The following DPYD variants were observed in gnomAD, a reference collection of about 807,000 sequenced individuals.
DPYD encodes dihydropyrimidine dehydrogenase.
A neutral mutation model predicts 116.2 loss-of-function variants in DPYD; 109 were observed. That is an observed-to-expected ratio of 0.94 (90% confidence interval 0.80 to 1.10). The LOEUF is 1.10. DPYD is among the 50% of genes least tolerant of loss of function. The probability of loss-of-function intolerance (pLI) is 0.00; values close to 1 mark genes in which losing one functional copy is unlikely to be tolerated. For missense variants in DPYD, 1,302 were observed against 1,254.5 expected, an observed-to-expected ratio of 1.04 and a Z score of -0.57; for synonymous variants, 440 against 432.0, an observed-to-expected ratio of 1.02 and a Z score of -0.23.
intron 16 of DPYD, among the ~76,000 whole-genome samples, chr1:97,358,508 C>T (rs963955153): frequency 1.3e-5 from 2 of 152,182 alleles, no homozygotes; most frequent in African/African-American, 2.4e-5. Context: ...CTCAAGTGGG[C>T]CCCTGATGCC....
intron 11 of DPYD, among the ~76,000 whole-genome samples, chr1:97,557,051 A>T (rs1286380665): frequency 6.6e-6 from 1 of 151,702 alleles, no homozygotes; most frequent in Non-Finnish European, 1.5e-5. Flanking sequence ...TGCCATTCTA[A>T]CTGGTGTGAG....
chr1:97,125,300 C>A (rs879878993), intron 20 of DPYD, among the ~76,000 whole-genome samples: 10 of 152,004 alleles, frequency 6.6e-5, no homozygotes, highest in Admixed American at 6.6e-4. Context: ...TTTCAAAAGA[C>A]TATCTTGATC....
chr1:97,312,071 T>A (rs1330638223), intron 16 of DPYD, among the ~76,000 whole-genome samples: 1 of 151,758 alleles, frequency 6.6e-6, no homozygotes, highest in Non-Finnish European at 1.5e-5. Context: ...AAAAAATATA[T>A]ATGTGTGTGT....
chr1:97,356,660 C>T (rs988620235), intron 16 of DPYD, among the ~76,000 whole-genome samples: 1 of 152,208 alleles, frequency 6.6e-6, no homozygotes, highest in African/African-American at 2.4e-5. Flanking sequence ...TAAGGTCTTA[C>T]ATTTACCTCT....
intron 10 of DPYD, among the ~76,000 whole-genome samples, chr1:97,589,292 C>T (rs548198110): frequency 1.3e-5 from 2 of 152,280 alleles, no homozygotes; most frequent in South Asian, 4.1e-4. Flanking sequence ...AGCTTTGTGC[C>T]CCCACTCAAT....
chr1:97,475,274 G>T (rs374136658), intron 13 of DPYD, among the ~76,000 whole-genome samples: 7 of 152,030 alleles, frequency 4.6e-5, no homozygotes, highest in African/African-American at 1.7e-4. Flanking sequence ...ATGATGATTT[G>T]CTATATACCA....
At chr1:97,901,026 A>G (rs184227039) in intron 1 of DPYD, among the ~76,000 whole-genome samples, 1 of 152,014 alleles carries the variant, frequency 6.6e-6, no homozygotes, top group African/African-American at 2.4e-5. Flanking sequence ...TTAAAAAATG[A>G]TATAAGAACA....
chr1:97,515,461 T>C (rs1473456043), intron 13 of DPYD, among the ~76,000 whole-genome samples: 1 of 151,962 alleles, frequency 6.6e-6, no homozygotes, highest in Non-Finnish European at 1.5e-5. Flanking sequence ...AATAAGAGTT[T>C]GAGATTATTA....
intron 12 of DPYD, among the ~76,000 whole-genome samples, chr1:97,527,236 G>C (rs935636485): frequency 6.6e-6 from 1 of 151,884 alleles, no homozygotes; most frequent in Admixed American, 6.6e-5. Flanking sequence ...CTGCCACCAC[G>C]CCCAGCTAAT....
chr1:97,138,627 G>A (rs1012755696), intron 20 of DPYD, among the ~76,000 whole-genome samples: 83 of 135,512 alleles, frequency 6.1e-4, no homozygotes, highest in African/African-American at 2.1e-3. Flanking sequence ...CATTTTTCTC[G>A]CAAAAAATGT....
chr1:97,097,321 T>C (rs1005214359), intron 21 of DPYD, among the ~76,000 whole-genome samples: 1 of 149,652 alleles, frequency 6.7e-6, no homozygotes, highest in East Asian at 1.9e-4. Flanking sequence ...TGAGATACAT[T>C]TTTTTTTTCT....
intron 20 of DPYD, among the ~76,000 whole-genome samples, chr1:97,103,856 A>C (rs1337438544): frequency 6.6e-6 from 1 of 152,106 alleles, no homozygotes. Context: ...CATGCCTGCC[A>C]ATTTATTCCC....
chr1:97,173,221 CGTACATATAT>C (rs141573668), intron 20 of DPYD, among the ~76,000 whole-genome samples: 22,692 of 123,146 alleles, frequency 0.18, 2,069 homozygotes, highest in Middle Eastern at 0.24. Flanking sequence ...TACACATATA[CGTACATATAT>C]GCGCACACAT....
chr1:97,625,527 G>A (rs933470943), intron 8 of DPYD, among the ~76,000 whole-genome samples: 1 of 151,934 alleles, frequency 6.6e-6, no homozygotes, highest in Non-Finnish European at 1.5e-5. Flanking sequence ...ACCTGACAAT[G>A]CATCTGTATT....
rs370427998 is a variant in DPYD at position 97,525,683 on chromosome 1, T to C, written c.1525-9742A>G. The stretch of plus-strand genomic sequence containing the variant: ...CTAACATAGAGTGGCATTGAAGCTC[T>C]GGAAGATTGCTGATTTTAGGCCAGT... On this transcript the variant is annotated intron_variant, in intron 12 of 22. Transcript: ENST00000370192. Among the ~76,000 whole-genome samples, 5 of 151,976 alleles carry C rather than the reference T, an allele frequency of 3.3e-5. 1 individual carries two copies. The highest frequency in any genetic ancestry group is 1.9e-4 in the East Asian group (1 of 5,162).
intron 3 of DPYD, among the ~76,000 whole-genome samples, chr1:97,742,001 G>T (rs1664295656): frequency 6.6e-6 from 1 of 152,086 alleles, no homozygotes; most frequent in Non-Finnish European, 1.5e-5. Flanking sequence ...ATGCACCAGT[G>T]CCTGGAAAGA....
chr1:97,427,670 T>C (rs1553173993), intron 14 of DPYD, among the ~76,000 whole-genome samples: 1 of 150,698 alleles, frequency 6.6e-6, no homozygotes, highest in Non-Finnish European at 1.5e-5. Context: ...CAGAACAAGA[T>C]AAAGCTTTCT....
intron 5 of DPYD, among the ~76,000 whole-genome samples, chr1:97,707,182 A>G (rs1240288474): frequency 2.6e-5 from 4 of 152,080 alleles, no homozygotes; most frequent in African/African-American, 7.2e-5. Context: ...GCCCTCCTCA[A>G]TTAGATTAGT....
chr1:97,810,869 T>C (rs1668318975), intron 3 of DPYD, among the ~76,000 whole-genome samples: 1 of 152,180 alleles, frequency 6.6e-6, no homozygotes, highest in Non-Finnish European at 1.5e-5. Flanking sequence ...ATACTCCTAG[T>C]ATAAAGACAA....
Sources: gnomAD v4.1 joint callset for allele counts (sites outside exome capture counted in the v4.1 genomes callset) on GRCh38, gnomAD v4.1.1 for gene constraint, MANE v1.5 for transcripts, NCBI Gene and HGNC (gene_info 2026-07-23, HGNC 2026-07-21) for gene names.